DNAJB1: variants seen among roughly 807,000 people sequenced by gnomAD.
The protein encoded by DNAJB1 is dnaJ homolog subfamily B member 1.
A neutral mutation model predicts 24.0 loss-of-function variants in DNAJB1; 14 were observed. The ratio of observed to expected loss-of-function variants is 0.58; its 90% CI spans 0.39 to 0.91. DNAJB1 has a LOEUF of 0.91. Ranked by LOEUF, DNAJB1 falls within the 40% of genes least tolerant of loss-of-function variation. The pLI is 0.00. For missense variants in DNAJB1, 517 were observed against 458.1 expected (o/e 1.13, Z -1.17); for synonymous variants, 262 against 174.4 (o/e 1.50, Z -3.96).
upstream of DNAJB1, among the ~76,000 whole-genome samples, chr19:14,550,584 A>G (rs554284495): frequency 6.6e-6 from 1 of 152,228 alleles, no homozygotes; most frequent in East Asian, 1.9e-4. Context: ...GCAGTTCTGG[A>G]CCATCCCCTG....
chr19:14,530,956 T>C (rs1390566337), upstream of DNAJB1: 3 of 152,144 alleles, frequency 2.0e-5, no homozygotes, highest in Non-Finnish European at 2.9e-5. Context: ...CACCTCCACC[T>C]CTGGCAGCCA....
chr19:14,518,220 TCTC>T lies in DNAJB1; in HGVS notation c.127_129del (p.Glu43del), dbSNP rs764800868. 4.6e-5 allele frequency: 74 copies of T among 1,609,988 alleles called. No homozygotes were observed. The highest frequency in any genetic ancestry group is 5.9e-5 in the Non-Finnish European group (70 of 1,178,564). ...TAGGCCTCAGCGATCTCCTTGAACTTCTCCTCGGCGCCGGGCTCCTTGTTCTTG... is the reference window on the plus strand; with the variant it reads ...TAGGCCTCAGCGATCTCCTTGAACTTCTCGGCGCCGGGCTCCTTGTTCTTG... On this transcript the variant is annotated inframe_deletion, in exon 1 of 3. Transcript: ENST00000254322.
intron 1 of DNAJB1, among the ~76,000 whole-genome samples, chr19:14,556,514 ACCCCCTGCTTG>A (rs2073731320): frequency 6.6e-6 from 1 of 150,424 alleles, no homozygotes; most frequent in Admixed American, 6.6e-5. Context: ...ATCTGCCCCC[ACCCCCTGCTTG>A]CCCAGCACGC....
intron 1 of DNAJB1, among the ~76,000 whole-genome samples, chr19:14,528,235 ATTTCTT>A (rs1318267252): frequency 7.2e-6 from 1 of 139,692 alleles, no homozygotes; most frequent in Non-Finnish European, 1.5e-5. Flanking sequence ...GACCAGTCCC[ATTTCTT>A]TTTCTTTTTT....
rs539047458 is a variant in DNAJB1 at position 14,516,488 on chromosome 19, G to A, written c.770C>T (p.Pro257Leu). 16 of 1,613,230 alleles carry A rather than the reference G, an allele frequency of 9.9e-6. No homozygotes were observed. In the African/African-American group the frequency reaches 1.7e-4, roughly 17 times the overall value. ...FKRDGSDVIY[P>L]ARISLREALC... ...TACCTCCCGGAGGCTGATCCTGGCA[G>A]GATAAATGACATCAGAGCCATCTCT... The change falls in exon 2 of 3, where the codon CCT (proline) becomes CTT (leucine). Residue 257 changes from proline (P) to leucine (L), a missense_variant. Pro to Leu is a moderately conservative substitution (Grantham distance 98). Transcript: ENST00000254322.
rs751404828 is a variant in DNAJB1, at chr19:14,518,351, AC to A, written c.-3del. On this transcript the variant is annotated 5_prime_UTR_variant, in exon 1 of 3. Coordinates refer to ENST00000254322, the MANE Select transcript of DNAJB1 (RefSeq NM_006145.3). ...CGTCTGGTAGTAGTCTTTACCCATG[AC>A]CCCCTCCTGCGGCCCGCCGACCCGC... The A allele has an allele frequency of 2.6e-6, 4 of 1,536,990 alleles. No homozygotes were observed. Among genetic ancestry groups the A allele is most frequent in the Admixed American group, 2.0e-5 (1 of 49,406 alleles).
chr19:14,525,394 C>G (rs1056382984), intron 2 of DNAJB1, among the ~76,000 whole-genome samples: 1 of 151,370 alleles, frequency 6.6e-6, no homozygotes, highest in African/African-American at 2.4e-5. Flanking sequence ...TTAGTTATTA[C>G]CAACAGCAGT....
chr19:14,529,532 C>T, upstream of DNAJB1: 1 of 957,832 alleles, frequency 1.0e-6, no homozygotes, highest in Non-Finnish European at 1.7e-6. Flanking sequence ...GTGGGCGCCT[C>T]GTGCCCTGAT....
chr19:14,554,083 C>A (rs539669593), upstream of DNAJB1, among the ~76,000 whole-genome samples: 73 of 152,282 alleles, frequency 4.8e-4, no homozygotes, highest in African/African-American at 1.6e-3. Flanking sequence ...CCCTGGAGGC[C>A]CATGTGTGGT....
rs71166754 is a variant in DNAJB1, at chr19:14,542,347, G to GTTTTTTTTTTTT, written c.-214+7849_-214+7860dup. ...CCTCAGGGGGCCCTCATGCCATAGT[G>GTTTTTTTTTTTT]TTTTTTTTTTTTTTTTTTTTTTTTT... On this transcript the variant is annotated intron_variant, in intron 1 of 3. Transcript: ENST00000676982. Among the ~76,000 whole-genome samples the GTTTTTTTTTTTT allele has an allele frequency of 9.6e-3, 415 of 43,298 alleles. 102 individuals carry two copies. The highest frequency in any genetic ancestry group is 0.014 in the Non-Finnish European group (308 of 22,812). The allele number at this position is 43,298 out of a possible 152,430, so 28.4% of individuals were successfully genotyped here. A position where few individuals can be genotyped will look rare whatever the true frequency, so the allele number is the denominator to read the frequency against.
At position 14,543,409 on chromosome 19, in the gene DNAJB1, ATATATATATATTTTTTTTTTTTTTT is replaced by A. The variant is rs1182530549; in HGVS notation, c.-214+6774_-214+6798del. ...AGAGAATATATATATATATATATAT[ATATATATATATTTTTTTTTTTTTTT>A]TTTTTTTTTTTTTTTTTTTTTTGAG... is the stretch of plus-strand genomic sequence containing the variant. On this transcript the variant is annotated intron_variant, in intron 1 of 3. Coordinates refer to the DNAJB1 transcript ENST00000676982. 8.4e-4 allele frequency among the ~76,000 whole-genome samples: 8 copies of A among 9,474 alleles called. 1 individual carries two copies. Among genetic ancestry groups the A allele is most frequent in the South Asian group, 5.6e-3 (1 of 180 alleles). 6.2% of individuals were successfully genotyped at this position (9,474 alleles called of 152,430 possible).
Position 14,518,283 on chromosome 19 carries a change from C to A in DNAJB1, c.67G>T (p.Ala23Ser), listed in dbSNP as rs749040460. Residue 23 changes from alanine to serine, a missense_variant, in exon 1 of 3, where the codon GCC (alanine) becomes TCC (serine). Physicochemically the swap from Ala to Ser is moderately conservative, Grantham distance 99. Coordinates refer to ENST00000254322, the MANE Select transcript of DNAJB1 (RefSeq NM_006145.3). Reference protein sequence around the residue: ...RGASDEEIKRAYRRQALRYHP... With the variant: ...RGASDEEIKRSYRRQALRYHP... ...TAGCGCAGCGCCTGGCGGCGGTAGG[C>A]CCGCTTGATCTCCTCGTCCGACGCG... 1 of 1,610,422 alleles carries A rather than the reference C, an allele frequency of 6.2e-7. No individual in the cohort carries two copies. Among genetic ancestry groups the A allele is most frequent in the Non-Finnish European group, 8.5e-7 (1 of 1,179,202 alleles).
chr19:14,538,543 T>C (rs900536635), intron 1 of DNAJB1, among the ~76,000 whole-genome samples: 41 of 151,554 alleles, frequency 2.7e-4, no homozygotes, highest in African/African-American at 9.4e-4. Context: ...TTTCTTTTTT[T>C]TTTTTTTTGA....
intron 1 of DNAJB1, among the ~76,000 whole-genome samples, chr19:14,534,962 C>G (rs559656157): frequency 5.9e-5 from 9 of 152,272 alleles, no homozygotes; most frequent in Admixed American, 1.3e-4. Flanking sequence ...GTTCTGAGGA[C>G]AGAGCATCCC....
upstream of DNAJB1, among the ~76,000 whole-genome samples, chr19:14,522,699 C>CACACAG (rs1568383672): frequency 4.0e-5 from 6 of 150,888 alleles, no homozygotes; most frequent in Admixed American, 6.6e-5. Context: ...CACACACACA[C>CACACAG]ACACACACAC....
intron 1 of DNAJB1, among the ~76,000 whole-genome samples, chr19:14,535,679 TG>T (rs1486965975): frequency 3.2e-5 from 4 of 124,970 alleles, no homozygotes; most frequent in Non-Finnish European, 6.4e-5. Context: ...CGTTTGAACC[TG>T]GGAGGTGGAG....
Position 14,515,940 on chromosome 19 carries a change from C to G in DNAJB1, c.1023G>C (p.Ter341TyrextTer8). 1.9e-6 allele frequency: 3 copies of G among 1,607,546 alleles called. No homozygotes were observed. Among genetic ancestry groups the G allele is most frequent in the Non-Finnish European group, 2.5e-6 (3 of 1,178,686 alleles). ...GTCAGTCCTTGGGGAGCTCAGATAG[C>G]TATATTGGAAGAACCTGCTCAAGTA... ...RTVLEQVLPI* is the reference protein window; with the variant it reads ...RTVLEQVLPIY The change falls in exon 3 of 3, where the codon TAG becomes TAC. Residue 341 changes from the stop codon to tyrosine (Y), a stop_lost. Coordinates refer to ENST00000254322, the MANE Select transcript of DNAJB1 (RefSeq NM_006145.3).
rs908596361 is a variant in DNAJB1, at chr19:14,540,379, TTTTA to T, written c.-214+9825_-214+9828del. Among the ~76,000 whole-genome samples, 3 of 150,726 alleles carry T rather than the reference TTTTA, an allele frequency of 2.0e-5. No individual in the cohort carries two copies. The Admixed American group carries it at 2.0e-4, about 10-fold the overall frequency. On this transcript the variant is annotated intron_variant, in intron 1 of 3. Transcript: ENST00000676982. ...CACTGTGCCTGGCTAATTTTTGTATTTTTATTTATTTATTAAAAAATGTGTGTTT... is the reference window on the plus strand; with the variant it reads ...CACTGTGCCTGGCTAATTTTTGTATTTTTATTTATTAAAAAATGTGTGTTT...
chr19:14,554,893 C>G (rs1163686182), upstream of DNAJB1, among the ~76,000 whole-genome samples: 1 of 152,018 alleles, frequency 6.6e-6, no homozygotes, highest in Non-Finnish European at 1.5e-5. Context: ...ATTCTCTTGC[C>G]TCAGCCTCCT....
Sources: gnomAD v4.1 joint callset for allele counts (sites outside exome capture counted in the v4.1 genomes callset) on GRCh38, gnomAD v4.1.1 for gene constraint, MANE v1.5 for transcripts, NCBI Gene and HGNC (gene_info 2026-07-23, HGNC 2026-07-21) for gene names.